The following SNX32 variants were observed in gnomAD, a reference collection of about 807,000 sequenced individuals.
The protein encoded by SNX32 is sorting nexin 32, also known as sorting nexin-32.
SNX32 carries 58 observed loss-of-function variants against 57.0 expected under a neutral mutation model. The ratio of observed to expected loss-of-function variants is 1.02; its 90% CI spans 0.82 to 1.27. The LOEUF is 1.27. Among genes scored for constraint, SNX32 ranks in the 50% most tolerant of loss-of-function variants. The pLI, the probability that SNX32 is intolerant of heterozygous loss-of-function variation, is 0.00. For synonymous variants in SNX32, 262 were observed against 220.4 expected, an observed-to-expected ratio of 1.19 and a Z score of -1.67; for missense variants, 589 against 541.2, an observed-to-expected ratio of 1.09 and a Z score of -0.88.
At chr11:65,841,193 G>A (rs901148631) in intron 1 of SNX32, among the ~76,000 whole-genome samples, 1 of 149,776 alleles carries the variant, frequency 6.7e-6, no homozygotes, top group Admixed American at 6.7e-5. Context: ...TGATCCACCC[G>A]CCTCGGCCTC....
chr11:65,851,598 TC>T, intron 8 of SNX32, 41 bp from the exon 9 acceptor site: 1 of 1,610,800 alleles, frequency 6.2e-7, no homozygotes, highest in East Asian at 2.2e-5. Context: ...TTTGAGCTGT[TC>T]CTCAGCCCCC....
chr11:65,852,281 G>A lies in SNX32; in HGVS notation c.826-184G>A, dbSNP rs187719664. Among the ~76,000 whole-genome samples, 27 of 152,166 alleles carry A rather than the reference G, an allele frequency of 1.8e-4. 1 individual carries two copies. The highest frequency in any genetic ancestry group is 1.0e-3 in the Admixed American group (16 of 15,298). ...TCTGTCCAGCTCTTACTCAGTCCCC[G>A]AGATCCAGACTAGATCCCACTTCCT... On this transcript the variant is annotated intron_variant, in intron 9 of 12. Transcript: ENST00000308342.
chr11:65,851,244 G>C lies in SNX32; in HGVS notation c.709+84G>C, dbSNP rs535647089. 8 of 1,597,308 alleles carry C rather than the reference G, an allele frequency of 5.0e-6. No homozygotes were observed. In the East Asian group the frequency reaches 1.8e-4, roughly 36 times the overall value. On this transcript the variant is annotated intron_variant, in intron 7 of 12. Transcript: ENST00000308342. ...CTTGGGGGAGAGAAGAGAGCAGGGC[G>C]TGCCTTGTTGTTTGTCTGTGGCCAC...
intron 1 of SNX32, among the ~76,000 whole-genome samples, chr11:65,847,713 C>T (rs1235197369): frequency 6.6e-6 from 1 of 152,064 alleles, no homozygotes; most frequent in Non-Finnish European, 1.5e-5. Context: ...AGTTCAAGAC[C>T]AGTCTGGCCA....
At position 65,851,668 on chromosome 11, in the gene SNX32, G is replaced by C. The variant is rs745783705; in HGVS notation, c.814G>C (p.Glu272Gln). The change falls in exon 9 of 13, where the codon GAA becomes CAA. Residue 272 changes from glutamate (E) to glutamine (Q), a missense_variant. By Grantham distance (29) the Glu-to-Gln change is conservative. Coordinates refer to ENST00000308342, the MANE Select transcript of SNX32 (RefSeq NM_152760.3). ...TSFLKLAELF[E>Q]RLRKLEGRVA... ...CTTCCTCAAATTGGCAGAGCTCTTT[G>C]AACGGCTGAGGGTGAGTACTGCCTT... is the stretch of plus-strand genomic sequence containing the variant. 2.5e-6 allele frequency: 4 copies of C among 1,613,996 alleles called. No homozygotes were observed. Among genetic ancestry groups the C allele is most frequent in the Admixed American group, 1.7e-5 (1 of 59,990 alleles).
chr11:65,853,450 A>C lies in SNX32; in HGVS notation c.*115A>C. The C allele has an allele frequency of 9.8e-7, 1 of 1,023,318 alleles. No individual in the cohort carries two copies. Among genetic ancestry groups the C allele is most frequent in the Non-Finnish European group, 1.5e-6 (1 of 664,360 alleles). The allele number at this position is 1,023,318 out of a possible 1,614,324, so 63.4% of individuals were successfully genotyped here. On this transcript the variant is annotated 3_prime_UTR_variant, in exon 13 of 13. Coordinates refer to ENST00000308342, the MANE Select transcript of SNX32 (RefSeq NM_152760.3). ...TAGCAGTGCCACTAGCCACACCCTC[A>C]CTCTGCCCCACATCCTCTCAGGGAA...
At chr11:65,838,991 T>C (rs1858745032) in intron 1 of SNX32, among the ~76,000 whole-genome samples, 1 of 151,706 alleles carries the variant, frequency 6.6e-6, no homozygotes, top group Non-Finnish European at 1.5e-5. Flanking sequence ...ACCACATGCA[T>C]ATTTTAGAAA....
At chr11:65,852,824 A>ACATGCCCTGCCCTGCCCGGATCCC in intron 11 of SNX32, 35 bp downstream of exon 11, 2 of 1,611,568 alleles carry the variant, frequency 1.2e-6, no homozygotes, top group Non-Finnish European at 1.7e-6. Flanking sequence ...GCCTGGGGCC[A>ACATGCCCTGCCCTGCCCGGATCCC]CATGCCCTGC....
rs548224334 is a variant in SNX32 at position 65,842,607 on chromosome 11, C to G, written c.37-6871C>G. 7.1e-4 allele frequency among the ~76,000 whole-genome samples: 107 copies of G among 151,632 alleles called. 2 individuals are homozygous for G. The highest frequency in any genetic ancestry group is 2.8e-3 in the Admixed American group (42 of 15,206). ...GGCAGAGGCTGCAGTGAGCCAAGAT[C>G]GTGCCACTGCACTCCAGCCTGGGTG... On this transcript the variant is annotated intron_variant, in intron 1 of 12. Transcript: ENST00000308342.
intron 1 of SNX32, among the ~76,000 whole-genome samples, chr11:65,845,085 G>T (rs1304691144): frequency 1.1e-4 from 1 of 9,426 alleles, no homozygotes; most frequent in African/African-American, 3.8e-4. Context: ...ATGGCTTGAG[G>T]CCAGGAGTTC....
Position 65,850,289 on chromosome 11 carries a change from TC to T in SNX32, c.374+21del, listed in dbSNP as rs1859134538. 1 of 1,614,098 alleles carries T rather than the reference TC, an allele frequency of 6.2e-7. No homozygotes were observed. The highest frequency in any genetic ancestry group is 8.5e-7 in the Non-Finnish European group (1 of 1,180,014). ...CTGGAAGCGTGAGTGCCCCCTCCTT[TC>T]CCTGCCATCCCCAGAGTCCAGATGT... On this transcript the variant is annotated intron_variant, in intron 4 of 12. Coordinates refer to ENST00000308342, the MANE Select transcript of SNX32 (RefSeq NM_152760.3).
chr11:65,838,447 A>G (rs1306481303), intron 1 of SNX32, among the ~76,000 whole-genome samples: 3 of 152,076 alleles, frequency 2.0e-5, no homozygotes. Flanking sequence ...CTGGTCTCCA[A>G]CTCCTGAGCT....
intron 1 of SNX32, among the ~76,000 whole-genome samples, chr11:65,840,029 C>T (rs963895166): frequency 3.3e-5 from 5 of 152,042 alleles, no homozygotes; most frequent in Non-Finnish European, 5.9e-5. Flanking sequence ...GTAGTGCATG[C>T]CTGTAATCCC....
chr11:65,849,975 A>G lies in SNX32; in HGVS notation c.197A>G (p.Glu66Gly), dbSNP rs1017075949. Residue 66 changes from glutamate (E) to glycine (G), a missense_variant, in exon 3 of 13, where the codon GAG (glutamate) becomes GGG (glycine). Transcript: ENST00000308342. The part of the protein sequence containing the change: ...TEFSVVRQHE[E>G]FIWLHDAYVE... ...TTCTCAGTCGTGCGGCAGCACGAGG[A>G]GTTCATCTGGCTGCATGATGCCTAC... The G allele has an allele frequency of 1.5e-5, 24 of 1,608,982 alleles. No individual in the cohort carries two copies. Among genetic ancestry groups the G allele is most frequent in the South Asian group, 1.1e-4 (10 of 90,820 alleles).
At position 65,852,906 on chromosome 11, in the gene SNX32, CTT is replaced by C. The variant is rs778469177; in HGVS notation, c.1109_1110del (p.Phe370SerfsTer6). The C allele has an allele frequency of 1.2e-6, 2 of 1,614,206 alleles. No homozygotes were observed. The highest frequency in any genetic ancestry group is 1.7e-6 in the Non-Finnish European group (2 of 1,180,028). On this transcript the variant is annotated frameshift_variant, in exon 12 of 13. Coordinates refer to ENST00000308342, the MANE Select transcript of SNX32 (RefSeq NM_152760.3). LOFTEE classifies it high-confidence loss of function. ...GACTTCAAGTCCCGCCGGGTCTCCT[CTT>C]TTCGAAAGAATCTCATTGAGCTGGC...
chr11:65,836,509 A>T (rs1399868916), intron 1 of SNX32, among the ~76,000 whole-genome samples: 1 of 152,128 alleles, frequency 6.6e-6, no homozygotes, highest in Non-Finnish European at 1.5e-5. Flanking sequence ...GCACCATTGA[A>T]CTCTAGCCTG....
intron 12 of SNX32, 61 bp downstream of exon 12, chr11:65,853,019 C>T (rs1859268088): frequency 6.4e-7 from 1 of 1,557,028 alleles, no homozygotes; most frequent in Admixed American, 1.7e-5. Context: ...TCCCTCCCTC[C>T]CCCAGGCACC....
chr11:65,852,366 TA>T, intron 9 of SNX32, 98 bp from the exon 10 acceptor site: 1 of 1,086,794 alleles, frequency 9.2e-7, no homozygotes, highest in Non-Finnish European at 1.4e-6. Context: ...AACAGTTACC[TA>T]AGGCTTCTTT....
chr11:65,853,604 G>C lies in SNX32; in HGVS notation c.*269G>C, dbSNP rs570291330. Reference sequence around the variant, plus strand: ...TGACACCTCTCCCCAGGAAGCTGAGGAACAGCCTCTACCCTCACCCATAGC... The same window carrying C: ...TGACACCTCTCCCCAGGAAGCTGAGCAACAGCCTCTACCCTCACCCATAGC... On this transcript the variant is annotated 3_prime_UTR_variant, in exon 13 of 13. Transcript: ENST00000308342. The C allele has an allele frequency of 3.6e-6, 2 of 556,884 alleles. No homozygotes were observed. The highest frequency in any genetic ancestry group is 3.8e-5 in the African/African-American group (2 of 52,944). 34.5% of individuals were successfully genotyped at this position (556,884 alleles called of 1,614,324 possible). A position where few individuals can be genotyped will look rare whatever the true frequency, so the allele number is the denominator to read the frequency against.
Sources: gnomAD v4.1 joint callset for allele counts (sites outside exome capture counted in the v4.1 genomes callset) on GRCh38, gnomAD v4.1.1 for gene constraint, MANE v1.5 for transcripts, NCBI Gene and HGNC (gene_info 2026-07-23, HGNC 2026-07-21) for gene names.